SOD2: variants seen among roughly 807,000 people sequenced by gnomAD.
SOD2 encodes the protein superoxide dismutase [Mn], mitochondrial.
In SOD2, 11 loss-of-function variants were observed where a neutral mutation model predicts 27.0. The observed-to-expected ratio is 0.41, with a 90% confidence interval of 0.26 to 0.67. The LOEUF is 0.67. Among genes scored for constraint, SOD2 ranks in the 30% least tolerant of loss-of-function variants. The pLI, the probability that SOD2 is intolerant of heterozygous loss-of-function variation, is 0.34. For missense variants in SOD2, 250 were observed against 274.5 expected (o/e 0.91, Z 0.63); for synonymous variants, 105 against 103.0 (o/e 1.02, Z -0.12).
exon 1 of SOD2, chr6:159,761,952 G>A: frequency 9.8e-7 from 1 of 1,016,774 alleles, no homozygotes; most frequent in Non-Finnish European, 1.5e-6. Flanking sequence ...GATGCGCGGG[G>A]AGGTGGTGCG....
At chr6:159,687,482 C>T (rs1240608325) in intron 3 of SOD2, among the ~76,000 whole-genome samples, 2 of 147,916 alleles carry the variant, frequency 1.4e-5, no homozygotes, top group Non-Finnish European at 1.5e-5. Flanking sequence ...GACTCCGTCT[C>T]AAAAAAAAAA....
At chr6:159,727,560 G>A (rs1008897935), upstream of SOD2, 10 of 988,762 alleles carry the variant, frequency 1.0e-5, no homozygotes, top group African/African-American at 1.7e-5. Context: ...GGAGCGCAGG[G>A]GTTGCGGCGG....
chr6:159,723,718 G>A (rs766199401), intron 1 of SOD2, among the ~76,000 whole-genome samples: 5 of 152,064 alleles, frequency 3.3e-5, no homozygotes, highest in East Asian at 1.9e-4. Context: ...TCACCCTAGT[G>A]CTTCTAGGCC....
intron 1 of SOD2, chr6:159,760,705 G>C (rs11759329): frequency 0.47 from 70,980 of 152,136 alleles, 18,620 homozygotes; most frequent in Non-Finnish European, 0.58. Context: ...CCAGGGAGCT[G>C]GTGCAAAGTA....
At chr6:159,710,682 C>G (rs977922643) in intron 1 of SOD2, among the ~76,000 whole-genome samples, 2 of 151,596 alleles carry the variant, frequency 1.3e-5, no homozygotes, top group Non-Finnish European at 2.9e-5. Context: ...CATATCCCCT[C>G]ATACTGCTCT....
chr6:159,718,577 T>G (rs959434414), intron 1 of SOD2, among the ~76,000 whole-genome samples: 2 of 152,206 alleles, frequency 1.3e-5, no homozygotes, highest in Non-Finnish European at 2.9e-5. Context: ...TTTAAAAATC[T>G]AAATGTTCAC....
At chr6:159,704,235 G>C (rs1404658312) in intron 1 of SOD2, among the ~76,000 whole-genome samples, 1 of 152,190 alleles carries the variant, frequency 6.6e-6, no homozygotes, top group Non-Finnish European at 1.5e-5. Flanking sequence ...ATTTCCAACT[G>C]AGGTACTGGG....
At chr6:159,700,541 C>G (rs1777505859) in intron 1 of SOD2, among the ~76,000 whole-genome samples, 1 of 151,542 alleles carries the variant, frequency 6.6e-6, no homozygotes, top group Non-Finnish European at 1.5e-5. Flanking sequence ...GTAGTCCCAG[C>G]TACTCGGGAG....
rs1779646488 is a variant in SOD2 at position 159,671,115 on chromosome 6, C to G, written c.*11378G>C. On this transcript the variant is annotated 3_prime_UTR_variant, in exon 5 of 5. Coordinates refer to ENST00000538183, the MANE Select transcript of SOD2 (RefSeq NM_000636.4). ...GGAAGCTCGAACTAGGTGGAGCCCA[C>G]TGCAGCTCAAGGAGGCCTGCCTGCC... is the stretch of plus-strand genomic sequence containing the variant. 1 of 100,726 alleles carries G rather than the reference C, an allele frequency of 9.9e-6. No individual in the cohort carries two copies. Among genetic ancestry groups the G allele is most frequent in the South Asian group, 4.3e-4 (1 of 2,320 alleles). 6.2% of individuals were successfully genotyped at this position (100,726 alleles called of 1,614,324 possible). A position where few individuals can be genotyped will look rare whatever the true frequency, so the allele number is the denominator to read the frequency against.
At chr6:159,747,443 T>C (rs2114942610), upstream of SOD2, among the ~76,000 whole-genome samples, 1 of 152,298 alleles carries the variant, frequency 6.6e-6, no homozygotes, top group East Asian at 1.9e-4. Flanking sequence ...ACTTTCCAGC[T>C]TTACAATTCT....
At chr6:159,736,332 T>C in intron 1 of SOD2, 1 of 1,515,682 alleles carries the variant, frequency 6.6e-7, no homozygotes, top group Non-Finnish European at 9.1e-7. Flanking sequence ...TGTTTTGTTT[T>C]GGGTTTTTTG....
intron 2 of SOD2, among the ~76,000 whole-genome samples, chr6:159,690,284 CAAA>C (rs11429489): frequency 1.5e-5 from 1 of 67,006 alleles, no homozygotes. Flanking sequence ...GAGATTCCGT[CAAA>C]AAAAAAAAAA....
Position 159,707,154 on chromosome 6 carries a change from C to G in SOD2, c.-115-14291G>C, listed in dbSNP as rs779044416. Among the ~76,000 whole-genome samples, 112 of 152,084 alleles carry G rather than the reference C, an allele frequency of 7.4e-4. 1 individual carries two copies. Among genetic ancestry groups the G allele is most frequent in the Non-Finnish European group, 1.3e-3 (86 of 67,986 alleles). ...AGAAATTTATAGCACTAAATGCCCA[C>G]AAGAGAAAGCAGGAAAGATCTAAAA... On this transcript the variant is annotated intron_variant, in intron 1 of 2. Transcript: ENST00000401980.
intron 1 of SOD2, chr6:159,738,881 T>G (rs1033287908): frequency 2.8e-6 from 2 of 707,672 alleles, no homozygotes; most frequent in Admixed American, 3.2e-5. Flanking sequence ...AATCATAATA[T>G]GTACTGAGCC....
intron 1 of SOD2, among the ~76,000 whole-genome samples, chr6:159,740,170 G>T (rs1779166542): frequency 6.6e-6 from 1 of 151,702 alleles, no homozygotes; most frequent in Non-Finnish European, 1.5e-5. Context: ...CCTGTCTCTG[G>T]CATTGTATAC....
chr6:159,721,017 GA>G (rs1402294531), intron 1 of SOD2, among the ~76,000 whole-genome samples: 7 of 134,054 alleles, frequency 5.2e-5, no homozygotes, highest in Non-Finnish European at 8.1e-5. Flanking sequence ...CACTGCACCC[GA>G]CTATTTTTTT....
chr6:159,716,371 T>C (rs1777921434), intron 1 of SOD2, among the ~76,000 whole-genome samples: 1 of 152,362 alleles, frequency 6.6e-6, no homozygotes, highest in East Asian at 1.9e-4. Context: ...TTTTCCAACT[T>C]GTTGCCTCAT....
upstream of SOD2, among the ~76,000 whole-genome samples, chr6:159,727,908 T>TCCGTCCC (rs1778307208): frequency 6.6e-6 from 1 of 152,212 alleles, no homozygotes; most frequent in Non-Finnish European, 1.5e-5. Context: ...ATCTCTGTCC[T>TCCGTCCC]CCGTCCCCAA....
At chr6:159,710,260 A>C (rs537243010) in intron 1 of SOD2, among the ~76,000 whole-genome samples, 1 of 108,928 alleles carries the variant, frequency 9.2e-6, no homozygotes, top group African/African-American at 3.3e-5. Context: ...TAGAACTTAA[A>C]GTATAAATAC....
Sources: gnomAD v4.1 joint callset for allele counts (sites outside exome capture counted in the v4.1 genomes callset) on GRCh38, gnomAD v4.1.1 for gene constraint, MANE v1.5 for transcripts, NCBI Gene and HGNC (gene_info 2026-07-23, HGNC 2026-07-21) for gene names.